CERKL: variants seen among roughly 807,000 people sequenced by gnomAD.
The protein encoded by CERKL is CERK like autophagy regulator.
CERKL carries 61 observed loss-of-function variants against 63.4 expected under a neutral mutation model. The ratio of observed to expected loss-of-function variants is 0.96; its 90% confidence interval spans 0.78 to 1.19. The LOEUF is 1.19. Ranked by LOEUF, CERKL falls within the 50% of genes most tolerant of loss-of-function variation. CERKL has a pLI of 0.00. For synonymous variants in CERKL, 250 were observed against 230.5 expected (o/e 1.08, Z -0.77); for missense variants, 675 against 655.5 (o/e 1.03, Z -0.33).
intron 2 of CERKL, among the ~76,000 whole-genome samples, chr2:181,583,788 G>T (rs867131510): frequency 3.3e-5 from 5 of 152,270 alleles, no homozygotes; most frequent in South Asian, 2.1e-4. Context: ...GAAAAAACAT[G>T]TTGTAATGTT....
intron 4 of CERKL, chr2:181,565,458 T>A: frequency 6.2e-7 from 1 of 1,612,534 alleles, no homozygotes; most frequent in Non-Finnish European, 8.5e-7. Flanking sequence ...TGCATGCCAG[T>A]GAACAATCTC....
rs1553513437 is a variant in CERKL, at chr2:181,548,673, GACTT to G, written c.1073+3_1073+6del. On this transcript the variant is annotated splice_donor_5th_base_variant and intron_variant, in intron 7 of 12. Transcript: ENST00000410087. ...GATACAATTTTTGGTTTAAGAAAAA[GACTT>G]ACTTAAGTTTTGCCAGTGCCTTAAC... 4 of 1,613,672 alleles carry G rather than the reference GACTT, an allele frequency of 2.5e-6. No individual in the cohort carries two copies. The highest frequency in any genetic ancestry group is 2.2e-5 in the South Asian group (2 of 91,070).
chr2:181,636,467 CA>C (rs111429385), intron 1 of CERKL, among the ~76,000 whole-genome samples: 6,850 of 143,914 alleles, frequency 0.048, 477 homozygotes, highest in African/African-American at 0.16. Context: ...CCTAATTTAC[CA>C]AAAAAAAAAA....
At chr2:181,546,235 T>C (rs1687720911) in intron 10 of CERKL, among the ~76,000 whole-genome samples, 1 of 152,098 alleles carries the variant, frequency 6.6e-6, no homozygotes, top group Non-Finnish European at 1.5e-5. Flanking sequence ...AAGCAGAACA[T>C]TTATGGAGTG....
At chr2:181,609,179 A>G (rs1174786415) in intron 1 of CERKL, among the ~76,000 whole-genome samples, 2 of 151,842 alleles carry the variant, frequency 1.3e-5, no homozygotes, top group African/African-American at 4.8e-5. Context: ...ATATGTATAC[A>G]TGTGCCACGC....
chr2:181,577,487 C>T lies in CERKL; in HGVS notation c.482-3603G>A, dbSNP rs188620799. Among the ~76,000 whole-genome samples, 27 of 152,262 alleles carry T rather than the reference C, an allele frequency of 1.8e-4. No individual in the cohort carries two copies. The East Asian group carries it at 4.6e-3, about 26-fold the overall frequency. Reference sequence around the variant, plus strand: ...TGTATGGCAGAGAAACCAGTTACCACTTTAGAGGACTGCAAGGAAAGCTAT... The same window carrying T: ...TGTATGGCAGAGAAACCAGTTACCATTTTAGAGGACTGCAAGGAAAGCTAT... On this transcript the variant is annotated intron_variant, in intron 2 of 12. Coordinates refer to ENST00000410087, the MANE Select transcript of CERKL (RefSeq NM_201548.5).
chr2:181,542,401 C>T (rs1687546431), intron 11 of CERKL, among the ~76,000 whole-genome samples: 1 of 152,204 alleles, frequency 6.6e-6, no homozygotes, highest in Non-Finnish European at 1.5e-5. Context: ...TGAATACCAG[C>T]ACTGCTATGA....
intron 4 of CERKL, among the ~76,000 whole-genome samples, chr2:181,565,217 C>G (rs1196243224): frequency 6.6e-6 from 1 of 152,194 alleles, no homozygotes; most frequent in Non-Finnish European, 1.5e-5. Flanking sequence ...ACCTAACTCC[C>G]TTTCCTGACC....
intron 1 of CERKL, among the ~76,000 whole-genome samples, chr2:181,619,777 C>A (rs774312303): frequency 1.3e-5 from 2 of 152,124 alleles, no homozygotes; most frequent in Non-Finnish European, 2.9e-5. Flanking sequence ...GCTCTTAGGG[C>A]CCACTACTAC....
intron 1 of CERKL, among the ~76,000 whole-genome samples, chr2:181,623,239 T>C (rs541186142): frequency 4.2e-4 from 64 of 152,308 alleles, no homozygotes; most frequent in Admixed American, 3.6e-3. Flanking sequence ...TTAAAAATGC[T>C]TGAAGACACA....
chr2:181,599,106 G>A, intron 2 of CERKL, among the ~76,000 whole-genome samples: 1 of 152,306 alleles, frequency 6.6e-6, no homozygotes, highest in Middle Eastern at 3.4e-3. Flanking sequence ...CTCAGTGAGA[G>A]CCAAGAGAAA....
chr2:181,553,229 A>G (rs1688063421), intron 5 of CERKL, among the ~76,000 whole-genome samples: 1 of 152,156 alleles, frequency 6.6e-6, no homozygotes, highest in South Asian at 2.1e-4. Context: ...GTGGCCCTCT[A>G]CAGCCTGCCC....
chr2:181,566,380 T>C (rs1244161393), intron 3 of CERKL, among the ~76,000 whole-genome samples: 3 of 152,220 alleles, frequency 2.0e-5, no homozygotes, highest in African/African-American at 7.2e-5. Flanking sequence ...GCATAGTGGT[T>C]ACCCAATTTG....
At chr2:181,632,577 T>C (rs1357136320) in intron 1 of CERKL, among the ~76,000 whole-genome samples, 3 of 152,226 alleles carry the variant, frequency 2.0e-5, no homozygotes, top group Non-Finnish European at 4.4e-5. Context: ...TTAATGGGAA[T>C]ATTTCTATTT....
intron 3 of CERKL, 23 bp from the exon 4 acceptor site, chr2:181,566,144 T>C (rs761871507): frequency 2.4e-5 from 37 of 1,572,554 alleles, no homozygotes; most frequent in Admixed American, 3.3e-5. Context: ...CACACACACA[T>C]ACACAAAGTG....
intron 1 of CERKL, among the ~76,000 whole-genome samples, chr2:181,604,725 C>T (rs1455479760): frequency 1.3e-5 from 2 of 151,944 alleles, no homozygotes; most frequent in East Asian, 1.9e-4. Context: ...GCAGCCTTAA[C>T]GAAAAGGAAA....
At chr2:181,543,234 G>T (rs1687584931) in intron 11 of CERKL, among the ~76,000 whole-genome samples, 1 of 152,120 alleles carries the variant, frequency 6.6e-6, no homozygotes, top group Non-Finnish European at 1.5e-5. Flanking sequence ...CTTAAAAACA[G>T]CAATGAATAT....
chr2:181,611,265 C>T (rs769897243), intron 1 of CERKL, among the ~76,000 whole-genome samples: 6 of 151,740 alleles, frequency 4.0e-5, no homozygotes, highest in Non-Finnish European at 7.4e-5. Context: ...CTTACCCAAG[C>T]ATTATTTGAG....
At position 181,537,760 on chromosome 2, in the gene CERKL, A is replaced by C; in HGVS notation, c.*424T>G. On this transcript the variant is annotated 3_prime_UTR_variant, in exon 13 of 13. Coordinates refer to ENST00000410087, the MANE Select transcript of CERKL (RefSeq NM_201548.5). Reference sequence around the variant, plus strand: ...ATTGTAAAAAAAAGAATTTGAATTGATATCTAAAAACAGAATTTGAATTGA... The same window carrying C: ...ATTGTAAAAAAAAGAATTTGAATTGCTATCTAAAAACAGAATTTGAATTGA... 2.2e-6 allele frequency: 1 copy of C among 446,522 alleles called. No homozygotes were observed. 27.7% of individuals were successfully genotyped at this position (446,522 alleles called of 1,614,324 possible).
Sources: gnomAD v4.1 joint callset for allele counts (sites outside exome capture counted in the v4.1 genomes callset) on GRCh38, gnomAD v4.1.1 for gene constraint, MANE v1.5 for transcripts, NCBI Gene and HGNC (gene_info 2026-07-23, HGNC 2026-07-21) for gene names.